The following COL7A1 variants were observed in gnomAD, a reference collection of about 807,000 sequenced individuals.
The protein encoded by COL7A1 is collagen alpha-1(VII) chain.
COL7A1 carries 296 observed loss-of-function variants against 456.2 expected under a neutral mutation model. That is an observed-to-expected ratio of 0.65 (90% CI 0.59 to 0.71). The LOEUF (loss-of-function observed/expected upper bound fraction) is 0.71. Among genes scored for constraint, COL7A1 ranks in the 30% least tolerant of loss-of-function variants. The probability of loss-of-function intolerance (pLI) is 0.00; values close to 1 mark genes in which losing one functional copy is unlikely to be tolerated. For missense variants in COL7A1, 3,441 were observed against 4,017.2 expected (o/e 0.86, Z 3.88); for synonymous variants, 1,464 against 1,525.9 (o/e 0.96, Z 0.95).
rs758373712 is a variant in COL7A1, at chr3:48,594,331, G to A, written c.266+37C>T. 1.1e-5 allele frequency: 17 copies of A among 1,602,728 alleles called. No homozygotes were observed. The highest frequency in any genetic ancestry group is 7.7e-5 in the South Asian group (7 of 90,906). ...TCTCTGGGGAAGGAGTCTTGGTGGGGATCTCGTGGTCCCCAGCCCCCAGGG... is the reference window on the plus strand; with the variant it reads ...TCTCTGGGGAAGGAGTCTTGGTGGGAATCTCGTGGTCCCCAGCCCCCAGGG... On this transcript the variant is annotated intron_variant, in intron 3 of 118. Transcript: ENST00000681320. This position sits in a 1 kb window ranked among gnomAD's most constrained non-coding sequence, Gnocchi z 5.5.
Position 48,569,888 on chromosome 3 carries a change from C to CT in COL7A1, c.7512_7513insA (p.Gly2505ArgfsTer5). 6.2e-7 allele frequency: 1 copy of CT among 1,614,130 alleles called. No individual in the cohort carries two copies. The highest frequency in any genetic ancestry group is 8.5e-7 in the Non-Finnish European group (1 of 1,180,000). ...CTTCCCCACGTTCCTACCTTCTCCC[C>CT]ACGCTCTCCCCTGCTGCCAGGGGGC... On this transcript the variant is annotated frameshift_variant, in exon 100 of 119. Coordinates refer to ENST00000681320, the MANE Select transcript of COL7A1 (RefSeq NM_000094.4). LOFTEE classifies it high-confidence loss of function. The surrounding 1 kb of genome is among the most constrained non-coding windows in gnomAD (Gnocchi z 4.9).
chr3:48,588,765 G>A lies in COL7A1; in HGVS notation c.2464C>T (p.Leu822Phe). Residue 822 changes from leucine (L) to phenylalanine (F), a missense_variant, in exon 20 of 119, where the codon CTC becomes TTC. Leu to Phe is a conservative substitution (Grantham distance 22). This residue lies in a region of COL7A1 where 444 missense variants were observed against 427.6 expected (regional missense o/e 1.04). Transcript: ENST00000681320. This position sits in a 1 kb window ranked among gnomAD's most constrained non-coding sequence, Gnocchi z 4.6. Reference sequence around the variant, plus strand: ...TCTGCAGAGTCTGTGTTTCCTGGGAGTATCTGGTGCCTCATGGGGCCGCCT... The same window carrying A: ...TCTGCAGAGTCTGTGTTTCCTGGGAATATCTGGTGCCTCATGGGGCCGCCT... The part of the protein sequence containing the change: ...SEGGPMRHQI[L>F]PGNTDSAEIR... 1 of 1,613,922 alleles carries A rather than the reference G, an allele frequency of 6.2e-7. No individual in the cohort carries two copies. The highest frequency in any genetic ancestry group is 8.5e-7 in the Non-Finnish European group (1 of 1,180,048).
Position 48,572,303 on chromosome 3 carries a change from T to A in COL7A1, c.6978+77A>T. On this transcript the variant is annotated intron_variant, in intron 90 of 118. Coordinates refer to ENST00000681320, the MANE Select transcript of COL7A1 (RefSeq NM_000094.4). The surrounding 1 kb of genome is among the most constrained non-coding windows in gnomAD (Gnocchi z 4.6). ...GAGGGTCATGAGGGTGGGTAAACTATGGGTCGAAGGTCAGAAGTTAGGCCA... is the reference window on the plus strand; with the variant it reads ...GAGGGTCATGAGGGTGGGTAAACTAAGGGTCGAAGGTCAGAAGTTAGGCCA... 1.2e-6 allele frequency: 2 copies of A among 1,613,096 alleles called. No homozygotes were observed. The highest frequency in any genetic ancestry group is 1.7e-5 in the Admixed American group (1 of 60,024).
In COL7A1 at chr3:48,565,398, A is replaced by C. The variant is rs750529756; in HGVS notation, c.8527+12T>G. On this transcript the variant is annotated intron_variant, in intron 116 of 118. Coordinates refer to ENST00000681320, the MANE Select transcript of COL7A1 (RefSeq NM_000094.4). The surrounding 1 kb of genome is among the most constrained non-coding windows in gnomAD (Gnocchi z 4.5). ...CCACCCATAGCTGCCCCACGGGTTCAGCTGTCCTCACCTTCCTCCTCTGCA... is the reference window on the plus strand; with the variant it reads ...CCACCCATAGCTGCCCCACGGGTTCCGCTGTCCTCACCTTCCTCCTCTGCA... 2.1e-5 allele frequency: 33 copies of C among 1,601,282 alleles called. No homozygotes were observed. The highest frequency in any genetic ancestry group is 2.7e-5 in the African/African-American group (2 of 74,734).
At chr3:48,589,921 G>A (rs1460318143) in intron 16 of COL7A1, among the ~76,000 whole-genome samples, 1 of 152,148 alleles carries the variant, frequency 6.6e-6, no homozygotes, top group African/African-American at 2.4e-5. Context: ...AATCTCAGAG[G>A]AGATTTGGGT....
At position 48,582,214 on chromosome 3, in the gene COL7A1, C is replaced by G. The variant is rs987067321; in HGVS notation, c.4635+109G>C. The stretch of plus-strand genomic sequence containing the variant: ...AGAAGGAGAGCCGCAGAGCTCCCAG[C>G]CTGCTCACGGGCCCAGCACTGTGGA... On this transcript the variant is annotated intron_variant, in intron 47 of 118. Transcript: ENST00000681320. 4 of 1,585,990 alleles carry G rather than the reference C, an allele frequency of 2.5e-6. No individual in the cohort carries two copies. The African/African-American group carries it at 5.4e-5, about 21-fold the overall frequency.
chr3:48,587,406 G>T lies in COL7A1; in HGVS notation c.2992+14C>A. The stretch of plus-strand genomic sequence containing the variant: ...CCAACTGCCAGCCCACCCAAATCCT[G>T]GCCTCCCCCTCACCCTGGCCAGGGC... On this transcript the variant is annotated intron_variant, in intron 23 of 118. Coordinates refer to ENST00000681320, the MANE Select transcript of COL7A1 (RefSeq NM_000094.4). This position sits in a 1 kb window ranked among gnomAD's most constrained non-coding sequence, Gnocchi z 6.1. The T allele has an allele frequency of 6.2e-7, 1 of 1,613,166 alleles. No homozygotes were observed. Among genetic ancestry groups the T allele is most frequent in the Non-Finnish European group, 8.5e-7 (1 of 1,180,008 alleles).
Position 48,588,859 on chromosome 3 carries a change from G to A in COL7A1, c.2440+11C>T, listed in dbSNP as rs768247399. The A allele has an allele frequency of 4.3e-6, 7 of 1,613,596 alleles. No individual in the cohort carries two copies. The Admixed American group carries it at 6.7e-5, about 15-fold the overall frequency. Reference sequence around the variant, plus strand: ...GCCAGGAAGGACAGGGGTGGCGTCAGGGAGCCATACCTTCACTCCGGCCCC... The same window carrying A: ...GCCAGGAAGGACAGGGGTGGCGTCAAGGAGCCATACCTTCACTCCGGCCCC... On this transcript the variant is annotated intron_variant, in intron 19 of 118. Coordinates refer to ENST00000681320, the MANE Select transcript of COL7A1 (RefSeq NM_000094.4). This position sits in a 1 kb window ranked among gnomAD's most constrained non-coding sequence, Gnocchi z 4.6.
chr3:48,571,950 G>T lies in COL7A1; in HGVS notation c.7068+51C>A. 6.2e-7 allele frequency: 1 copy of T among 1,602,226 alleles called. No homozygotes were observed. The highest frequency in any genetic ancestry group is 8.5e-7 in the Non-Finnish European group (1 of 1,174,232). ...GGCCCAAGAGTGGCCCCTTATGCCC[G>T]CCATCACACTCCTCAGGCCAGGCTC... On this transcript the variant is annotated intron_variant, in intron 92 of 118. Coordinates refer to ENST00000681320, the MANE Select transcript of COL7A1 (RefSeq NM_000094.4). The surrounding 1 kb of genome is among the most constrained non-coding windows in gnomAD (Gnocchi z 4.6).
In COL7A1 at chr3:48,564,367, C is replaced by A. The variant is rs1446913536; in HGVS notation, c.*39G>T. 1.4e-5 allele frequency: 23 copies of A among 1,613,280 alleles called. No homozygotes were observed. The highest frequency in any genetic ancestry group is 1.9e-5 in the Non-Finnish European group (22 of 1,179,484). On this transcript the variant is annotated 3_prime_UTR_variant, in exon 119 of 119. Coordinates refer to ENST00000681320, the MANE Select transcript of COL7A1 (RefSeq NM_000094.4). This position sits in a 1 kb window ranked among gnomAD's most constrained non-coding sequence, Gnocchi z 6.0. ...GTGGGGTTCTGCTGAGACCCCGACT[C>A]CTCCAGGGGATGCTGAATCTCAGCT... is the stretch of plus-strand genomic sequence containing the variant.
In COL7A1 at chr3:48,587,610, GGA is replaced by G; in HGVS notation, c.2858-58_2858-57del. 1 of 1,612,004 alleles carries G rather than the reference GGA, an allele frequency of 6.2e-7. No homozygotes were observed. Among genetic ancestry groups the G allele is most frequent in the Non-Finnish European group, 8.5e-7 (1 of 1,179,008 alleles). On this transcript the variant is annotated intron_variant, in intron 22 of 118. Transcript: ENST00000681320. The surrounding 1 kb of genome is among the most constrained non-coding windows in gnomAD (Gnocchi z 6.1). Reference sequence around the variant, plus strand: ...AGGCTGAGTCCTGAGAACCCAGAAGGGAGAGATCTGAGATCCTGGGTCCGGTT... The same window carrying G: ...AGGCTGAGTCCTGAGAACCCAGAAGGGAGATCTGAGATCCTGGGTCCGGTT...
chr3:48,572,691 G>A lies in COL7A1; in HGVS notation c.6880C>T (p.Pro2294Ser), dbSNP rs778899489. ...ATCACCTGTCCAGGGGCCCCCGTGG[G>A]GCCAGGTTCTCCTTTAGGTCCGACA... is the stretch of plus-strand genomic sequence containing the variant. Reference protein sequence around the residue: ...GPVGPKGEPGPTGAPGQAVVG... With the variant: ...GPVGPKGEPGSTGAPGQAVVG... The change falls in exon 88 of 119, where the codon CCC (proline) becomes TCC (serine). Residue 2294 changes from proline (P) to serine (S), a missense_variant. Around this residue, in one of 3 missense-constraint regions of COL7A1, gnomAD observed 2,084 missense variants for 2,501.3 expected, o/e 0.83. Coordinates refer to ENST00000681320, the MANE Select transcript of COL7A1 (RefSeq NM_000094.4). The surrounding 1 kb of genome is among the most constrained non-coding windows in gnomAD (Gnocchi z 4.6). 4 of 1,606,852 alleles carry A rather than the reference G, an allele frequency of 2.5e-6. No individual in the cohort carries two copies. In the South Asian group the frequency reaches 3.3e-5, roughly 13 times the overall value.
rs2107741719 is a variant in COL7A1, at chr3:48,585,556, C to T, written c.3894+1G>A. ...GAAACCTCGATGGTCTCCACACTCA[C>T]CCTCTCGCCCTTGGCAGTGGCACTT... On this transcript the variant is annotated splice_donor_variant, in intron 32 of 118. Coordinates refer to ENST00000681320, the MANE Select transcript of COL7A1 (RefSeq NM_000094.4). LOFTEE classifies it high-confidence loss of function. The surrounding 1 kb of genome is among the most constrained non-coding windows in gnomAD (Gnocchi z 4.5). 2 of 1,613,850 alleles carry T rather than the reference C, an allele frequency of 1.2e-6. No individual in the cohort carries two copies. The highest frequency in any genetic ancestry group is 8.5e-7 in the Non-Finnish European group (1 of 1,179,976).
Position 48,591,407 on chromosome 3 carries a change from C to T in COL7A1, c.1636+57G>A. Reference sequence around the variant, plus strand: ...GGAGAGGGCTGGAGGTACACTCAGACCCCTCAGGCTGGAACTTCAGTGTGT... The same window carrying T: ...GGAGAGGGCTGGAGGTACACTCAGATCCCTCAGGCTGGAACTTCAGTGTGT... On this transcript the variant is annotated intron_variant, in intron 13 of 118. Transcript: ENST00000681320. This position sits in a 1 kb window ranked among gnomAD's most constrained non-coding sequence, Gnocchi z 7.0. 1.2e-6 allele frequency: 2 copies of T among 1,604,340 alleles called. No homozygotes were observed. Among genetic ancestry groups the T allele is most frequent in the Non-Finnish European group, 1.7e-6 (2 of 1,174,472 alleles).
At chr3:48,582,255 G>A in intron 47 of COL7A1, 68 bp downstream of exon 47, 3 of 1,611,458 alleles carry the variant, frequency 1.9e-6, no homozygotes, top group South Asian at 1.1e-5. Flanking sequence ...AGCCCAGATA[G>A]TGTTCTATAG....
In COL7A1 at chr3:48,592,267, G is replaced by A. The variant is rs1029469165; in HGVS notation, c.1094-19C>T. On this transcript the variant is annotated intron_variant, in intron 9 of 118. Transcript: ENST00000681320. The surrounding 1 kb of genome is among the most constrained non-coding windows in gnomAD (Gnocchi z 7.6). Reference sequence around the variant, plus strand: ...GGCCCACCTGCATGGGGGACACCAAGGGGCCAGTGGGCCTTGCAGACTCAG... The same window carrying A: ...GGCCCACCTGCATGGGGGACACCAAAGGGCCAGTGGGCCTTGCAGACTCAG... 34 of 1,613,846 alleles carry A rather than the reference G, an allele frequency of 2.1e-5. No homozygotes were observed. Among genetic ancestry groups the A allele is most frequent in the Non-Finnish European group, 2.8e-5 (33 of 1,179,984 alleles).
At chr3:48,576,641 T>C (rs777769408) in intron 68 of COL7A1, 35 bp downstream of exon 68, 2 of 1,593,660 alleles carry the variant, frequency 1.3e-6, no homozygotes. Flanking sequence ...TGGCTTCTAA[T>C]GCTCTGAAGT....
intron 46 of COL7A1, 24 bp downstream of exon 46, chr3:48,582,454 T>C: frequency 6.2e-7 from 1 of 1,614,048 alleles, no homozygotes; most frequent in African/African-American, 1.3e-5. Context: ...TACCAGACAG[T>C]GCCACCCCCA....
chr3:48,595,161 C>T lies in COL7A1; in HGVS notation c.-1-1G>A. 1 of 1,551,466 alleles carries T rather than the reference C, an allele frequency of 6.4e-7. No homozygotes were observed. Among genetic ancestry groups the T allele is most frequent in the Non-Finnish European group, 8.7e-7 (1 of 1,147,516 alleles). Reference sequence around the variant, plus strand: ...GGCCACCAGAAGCCGCAGCGTCATCCTAGGCAGTAAAAGCCGTCAGCTAGG... The same window carrying T: ...GGCCACCAGAAGCCGCAGCGTCATCTTAGGCAGTAAAAGCCGTCAGCTAGG... On this transcript the variant is annotated splice_acceptor_variant, in intron 1 of 118. Coordinates refer to ENST00000681320, the MANE Select transcript of COL7A1 (RefSeq NM_000094.4). LOFTEE classifies it low-confidence loss of function (5UTR_SPLICE).
Sources: allele counts gnomAD v4.1 joint callset (sites outside exome capture counted in the v4.1 genomes callset), GRCh38; gene constraint gnomAD v4.1.1; regional missense constraint gnomAD v4.1.1; non-coding constraint Gnocchi (gnomAD v3.1); transcripts MANE v1.5; gene names NCBI Gene and HGNC (gene_info 2026-07-23, HGNC 2026-07-21).